SH3RF1: variants seen among roughly 807,000 people sequenced by gnomAD.
SH3RF1 encodes the protein SH3 domain containing ring finger 1.
A neutral mutation model predicts 74.0 loss-of-function variants in SH3RF1; 32 were observed. That is an observed-to-expected ratio of 0.43 (90% confidence interval 0.33 to 0.58). The LOEUF is 0.58. SH3RF1 is among the 20% of genes least tolerant of loss of function. The probability of loss-of-function intolerance (pLI) is 0.05; values close to 1 mark genes in which losing one functional copy is unlikely to be tolerated. For missense variants in SH3RF1, 954 were observed against 1,130.9 expected (o/e 0.84, Z 2.24); for synonymous variants, 396 against 439.6 (o/e 0.90, Z 1.24).
intron 6 of SH3RF1, among the ~76,000 whole-genome samples, chr4:169,122,837 C>T (rs1474535822): frequency 1.3e-5 from 2 of 152,174 alleles, no homozygotes; most frequent in Non-Finnish European, 2.9e-5. Flanking sequence ...ACTTTGCCAG[C>T]TTTTGAAATT....
intron 2 of SH3RF1, among the ~76,000 whole-genome samples, chr4:169,164,244 C>T (rs1178267601): frequency 6.6e-6 from 1 of 152,156 alleles, no homozygotes; most frequent in Non-Finnish European, 1.5e-5. Context: ...ACCTCAGTGT[C>T]TGTGAAAAAC....
chr4:169,105,454 G>A (rs919318033), intron 11 of SH3RF1, among the ~76,000 whole-genome samples: 1 of 152,100 alleles, frequency 6.6e-6, no homozygotes, highest in Non-Finnish European at 1.5e-5. Context: ...AAACAGAACT[G>A]CTCCCTTTTG....
At chr4:169,187,886 G>A (rs896767608) in intron 2 of SH3RF1, among the ~76,000 whole-genome samples, 5 of 152,056 alleles carry the variant, frequency 3.3e-5, no homozygotes, top group Non-Finnish European at 5.9e-5. Context: ...GATGGAATCC[G>A]CAAAGTTAAA....
At chr4:169,199,969 G>A (rs1467502913) in intron 2 of SH3RF1, among the ~76,000 whole-genome samples, 2 of 149,310 alleles carry the variant, frequency 1.3e-5, no homozygotes, top group African/African-American at 2.5e-5. Context: ...ATAAAAGATC[G>A]ACATCATGAG....
At chr4:169,155,194 T>G (rs1458000571) in intron 4 of SH3RF1, among the ~76,000 whole-genome samples, 1 of 152,174 alleles carries the variant, frequency 6.6e-6, no homozygotes, top group Non-Finnish European at 1.5e-5. Context: ...GCAAATGGAA[T>G]AAACAGGAAA....
chr4:169,206,967 C>G (rs1561052959), intron 2 of SH3RF1, among the ~76,000 whole-genome samples: 2 of 148,664 alleles, frequency 1.3e-5, no homozygotes, highest in African/African-American at 4.9e-5. Flanking sequence ...CCCCATTTCT[C>G]TTTTTTTTTT....
chr4:169,163,431 C>A (rs147715417), intron 2 of SH3RF1, among the ~76,000 whole-genome samples: 258 of 152,116 alleles, frequency 1.7e-3, no homozygotes, highest in African/African-American at 5.5e-3. Context: ...GTTTAAAAGG[C>A]AATGTTGCAG....
intron 10 of SH3RF1, among the ~76,000 whole-genome samples, chr4:169,107,463 C>T (rs1349295405): frequency 6.6e-6 from 1 of 152,154 alleles, no homozygotes; most frequent in African/African-American, 2.4e-5. Flanking sequence ...TCCTCCTTCT[C>T]CCTTTCTGCT....
At chr4:169,231,137 G>A (rs910825783) in intron 2 of SH3RF1, among the ~76,000 whole-genome samples, 2 of 152,148 alleles carry the variant, frequency 1.3e-5, no homozygotes, top group Admixed American at 1.3e-4. Flanking sequence ...GAATTAACTG[G>A]GTTAAAGTAT....
At chr4:169,156,358 C>T (rs764811758) in intron 3 of SH3RF1, 46 bp downstream of exon 3, 2 of 1,505,772 alleles carry the variant, frequency 1.3e-6, no homozygotes, top group Non-Finnish European at 1.8e-6. Context: ...TATCTGGGTA[C>T]AGAGGTAGAG....
intron 6 of SH3RF1, among the ~76,000 whole-genome samples, chr4:169,126,623 G>C (rs761311846): frequency 1.3e-5 from 2 of 152,006 alleles, no homozygotes; most frequent in Non-Finnish European, 2.9e-5. Flanking sequence ...ACAGCATCTA[G>C]TCCTGGCTGG....
intron 11 of SH3RF1, among the ~76,000 whole-genome samples, chr4:169,104,753 A>G (rs1733104285): frequency 6.6e-6 from 1 of 151,974 alleles, no homozygotes; most frequent in African/African-American, 2.4e-5. Context: ...AATACAAAAA[A>G]ATTAGCCGGG....
intron 2 of SH3RF1, among the ~76,000 whole-genome samples, chr4:169,258,984 T>C (rs1484738074): frequency 6.6e-6 from 1 of 152,148 alleles, no homozygotes; most frequent in African/African-American, 2.4e-5. Context: ...ACACTCTTAC[T>C]TACATTGCTA....
chr4:169,223,164 C>A (rs765760446), intron 2 of SH3RF1, among the ~76,000 whole-genome samples: 36 of 152,176 alleles, frequency 2.4e-4, no homozygotes, highest in Non-Finnish European at 4.6e-4. Context: ...TCTATTCATT[C>A]CATTGACAGG....
chr4:169,160,106 GT>G (rs1554006485), intron 2 of SH3RF1, among the ~76,000 whole-genome samples: 1 of 152,106 alleles, frequency 6.6e-6, no homozygotes, highest in Non-Finnish European at 1.5e-5. Flanking sequence ...ATTATGGCCT[GT>G]TTTTTTCCCT....
At chr4:169,266,776 C>T (rs1454739941) in intron 2 of SH3RF1, among the ~76,000 whole-genome samples, 1 of 152,122 alleles carries the variant, frequency 6.6e-6, no homozygotes, top group East Asian at 1.9e-4. Flanking sequence ...GCGAGTGCCA[C>T]AGTACCTGGC....
intron 2 of SH3RF1, among the ~76,000 whole-genome samples, chr4:169,257,803 C>T (rs1416885748): frequency 6.6e-6 from 1 of 152,146 alleles, no homozygotes; most frequent in African/African-American, 2.4e-5. Flanking sequence ...GCAAGCAAAC[C>T]AGCCCTATTT....
chr4:169,123,547 C>T (rs888586393), intron 6 of SH3RF1, among the ~76,000 whole-genome samples: 25 of 152,108 alleles, frequency 1.6e-4, no homozygotes, highest in African/African-American at 4.6e-4. Flanking sequence ...AAAGTTGGAA[C>T]GTCAGGAAAA....
At chr4:169,196,437 C>T (rs568871024) in intron 2 of SH3RF1, among the ~76,000 whole-genome samples, 64 of 152,278 alleles carry the variant, frequency 4.2e-4, no homozygotes, top group Admixed American at 3.5e-3. Context: ...TGTTAGGTAA[C>T]GATGTACTAT....
Sources: allele counts gnomAD v4.1 joint callset (sites outside exome capture counted in the v4.1 genomes callset), GRCh38; gene constraint gnomAD v4.1.1; transcripts MANE v1.5; gene names NCBI Gene and HGNC (gene_info 2026-07-23, HGNC 2026-07-21).